Variants in NWD2 observed in about 807,000 individuals in gnomAD.
NWD2 encodes the protein NACHT and WD repeat domain-containing protein 2.
In NWD2, 37 loss-of-function variants were observed where a neutral mutation model predicts 132.7. The observed-to-expected ratio is 0.28, with a 90% CI of 0.21 to 0.37. The LOEUF is 0.37. NWD2 is among the 10% of genes least tolerant of loss of function. The pLI is 1.00. For missense variants in NWD2, 1,592 were observed against 2,122.4 expected (o/e 0.75, Z 4.91); for synonymous variants, 705 against 803.0 (o/e 0.88, Z 2.06).
In NWD2 at chr4:37,449,145, T is replaced by C. The variant is rs556175685; in HGVS notation, c.*1928T>C. On this transcript the variant is annotated 3_prime_UTR_variant, in exon 7 of 7. Transcript: ENST00000309447. ...CCTGTCATTATCAGTTGAACCTCCATGCCACACATTTCTAAGAATTAAATG... is the reference window on the plus strand; with the variant it reads ...CCTGTCATTATCAGTTGAACCTCCACGCCACACATTTCTAAGAATTAAATG... The C allele has an allele frequency of 3.9e-5, 6 of 152,336 alleles. No homozygotes were observed. The South Asian group carries it at 1.2e-3, about 32-fold the overall frequency. 9.4% of individuals were successfully genotyped at this position (152,336 alleles called of 1,614,324 possible).
chr4:37,447,549 G>T lies in NWD2; in HGVS notation c.*332G>T. On this transcript the variant is annotated 3_prime_UTR_variant, in exon 7 of 7. Coordinates refer to ENST00000309447, the MANE Select transcript of NWD2 (RefSeq NM_001144990.2). ...ATGAGAGAGGCTAGAGTTATATACA[G>T]ATCATTTGGATGGGAATTAGTTCTA... 4 of 237,658 alleles carry T rather than the reference G, an allele frequency of 1.7e-5. No individual in the cohort carries two copies. Among genetic ancestry groups the T allele is most frequent in the South Asian group, 9.4e-5 (1 of 10,678 alleles). The allele number at this position is 237,658 out of a possible 1,614,324, so 14.7% of individuals were successfully genotyped here. A position where few individuals can be genotyped will look rare whatever the true frequency, so the allele number is the denominator to read the frequency against.
At position 37,444,210 on chromosome 4, in the gene NWD2, C is replaced by G. The variant is rs1712567256; in HGVS notation, c.2222C>G (p.Ala741Gly). The change falls in exon 7 of 7, where the codon GCC becomes GGC. Residue 741 changes from alanine (A) to glycine (G), a missense_variant. Ala to Gly is a moderately conservative substitution (Grantham distance 60, BLOSUM62 0). Transcript: ENST00000309447. The surrounding 1 kb of genome is among the most constrained non-coding windows in gnomAD (Gnocchi z 4.8). ...GCCAACAGACACCTGCAGCTCATAG[C>G]CCAGAAGCTATATCTGCAGGATGAC... is the stretch of plus-strand genomic sequence containing the variant. ...VWANRHLQLI[A>G]QKLYLQDDND... is the part of the protein sequence containing the mutation. 6.4e-7 allele frequency: 1 copy of G among 1,551,638 alleles called. No homozygotes were observed. Among genetic ancestry groups the G allele is most frequent in the African/African-American group, 1.4e-5 (1 of 73,146 alleles).
chr4:37,271,034 T>C (rs1717861937), intron 1 of NWD2, among the ~76,000 whole-genome samples: 1 of 151,884 alleles, frequency 6.6e-6, no homozygotes, highest in South Asian at 2.1e-4. Flanking sequence ...GACAGCTTTG[T>C]TGAAAATCAG....
In NWD2 at chr4:37,444,216, A is replaced by G; in HGVS notation, c.2228A>G (p.Lys743Arg). Reference sequence around the variant, plus strand: ...AGACACCTGCAGCTCATAGCCCAGAAGCTATATCTGCAGGATGACAATGAC... The same window carrying G: ...AGACACCTGCAGCTCATAGCCCAGAGGCTATATCTGCAGGATGACAATGAC... ...ANRHLQLIAQKLYLQDDNDLR... is the reference protein window; with the variant it reads ...ANRHLQLIAQRLYLQDDNDLR... Residue 743 changes from lysine to arginine, a missense_variant, in exon 7 of 7, where the codon AAG (lysine) becomes AGG (arginine). By Grantham distance (26) the Lys-to-Arg change is conservative. Transcript: ENST00000309447. This position sits in a 1 kb window ranked among gnomAD's most constrained non-coding sequence, Gnocchi z 4.8. 1.3e-6 allele frequency: 2 copies of G among 1,551,692 alleles called. No individual in the cohort carries two copies. The highest frequency in any genetic ancestry group is 1.7e-6 in the Non-Finnish European group (2 of 1,146,966).
intron 2 of NWD2, 36 bp from the exon 3 acceptor site, chr4:37,356,330 C>T: frequency 8.8e-7 from 1 of 1,130,386 alleles, no homozygotes; most frequent in Non-Finnish European, 1.3e-6. Flanking sequence ...ACAAAGCCCA[C>T]ATGTAAACTA....
At chr4:37,431,913 A>G (rs889339184) in intron 4 of NWD2, among the ~76,000 whole-genome samples, 4 of 152,096 alleles carry the variant, frequency 2.6e-5, no homozygotes, top group African/African-American at 9.7e-5. Flanking sequence ...ACTTATTAAT[A>G]TTGGTATTAT....
intron 2 of NWD2, among the ~76,000 whole-genome samples, chr4:37,355,883 G>A (rs961562386): frequency 6.6e-6 from 1 of 152,082 alleles, no homozygotes; most frequent in South Asian, 2.1e-4. Context: ...TCATATGATA[G>A]AGTGTGATAA....
intron 2 of NWD2, among the ~76,000 whole-genome samples, chr4:37,341,392 A>C (rs1719520055): frequency 6.6e-6 from 1 of 152,252 alleles, no homozygotes; most frequent in African/African-American, 2.4e-5. Context: ...AGAAGAATCT[A>C]TATCTATATT....
chr4:37,255,960 G>A (rs1717510815), intron 1 of NWD2, among the ~76,000 whole-genome samples: 1 of 152,204 alleles, frequency 6.6e-6, no homozygotes, highest in South Asian at 2.1e-4. Context: ...TAGAACAAGG[G>A]ATTTTGAAAA....
At position 37,445,947 on chromosome 4, in the gene NWD2, A is replaced by G; in HGVS notation, c.3959A>G (p.Gln1320Arg). 1 of 1,551,714 alleles carries G rather than the reference A, an allele frequency of 6.4e-7. No individual in the cohort carries two copies. The change falls in exon 7 of 7, where the codon CAA becomes CGA. Residue 1320 changes from glutamine to arginine, a missense_variant. Around this residue, in one of 7 missense-constraint regions of NWD2, gnomAD observed 1,071 missense variants for 1,398.0 expected, o/e 0.77. Coordinates refer to ENST00000309447, the MANE Select transcript of NWD2 (RefSeq NM_001144990.2). This position sits in a 1 kb window ranked among gnomAD's most constrained non-coding sequence, Gnocchi z 4.7. Reference sequence around the variant, plus strand: ...ATAGATAAGACTGGAAAACCCATCCAAAGTCTGTTGTTGCCTGCTAGAGGG... The same window carrying G: ...ATAGATAAGACTGGAAAACCCATCCGAAGTCTGTTGTTGCCTGCTAGAGGG... ...SNIDKTGKPI[Q>R]SLLLPARGEI...
At chr4:37,341,814 A>G (rs535380050) in intron 2 of NWD2, among the ~76,000 whole-genome samples, 7 of 152,334 alleles carry the variant, frequency 4.6e-5, no homozygotes, top group South Asian at 4.1e-4. Context: ...AAGTGGCTCT[A>G]TGTAGCTTCT....
intron 1 of NWD2, among the ~76,000 whole-genome samples, chr4:37,313,738 A>T (rs1414042946): frequency 6.6e-6 from 1 of 150,916 alleles, no homozygotes; most frequent in Non-Finnish European, 1.5e-5. Context: ...TTACTCTGTC[A>T]CCCAGGCTAG....
intron 2 of NWD2, among the ~76,000 whole-genome samples, chr4:37,342,868 C>T (rs1719555732): frequency 6.6e-6 from 1 of 152,156 alleles, no homozygotes; most frequent in South Asian, 2.1e-4. Flanking sequence ...TTCTAGTGAT[C>T]GTGTATGACA....
At chr4:37,412,726 A>G (rs1721186562) in intron 3 of NWD2, among the ~76,000 whole-genome samples, 1 of 152,230 alleles carries the variant, frequency 6.6e-6, no homozygotes, top group Admixed American at 6.5e-5. Flanking sequence ...CCTGACTTCA[A>G]AATATACTAC....
chr4:37,415,699 G>A (rs184654565), intron 3 of NWD2, among the ~76,000 whole-genome samples: 20 of 80,218 alleles, frequency 2.5e-4, no homozygotes, highest in Admixed American at 3.9e-4. Context: ...GCAAGACTCC[G>A]TCTAAAAAAA....
intron 2 of NWD2, among the ~76,000 whole-genome samples, chr4:37,329,882 C>T (rs988479871): frequency 1.3e-5 from 2 of 151,960 alleles, no homozygotes; most frequent in Non-Finnish European, 2.9e-5. Context: ...GATAATGAAA[C>T]GTCATCTGGT....
At chr4:37,414,116 A>G (rs1721214841) in intron 3 of NWD2, among the ~76,000 whole-genome samples, 1 of 152,180 alleles carries the variant, frequency 6.6e-6, no homozygotes, top group South Asian at 2.1e-4. Context: ...AACATAAAGT[A>G]TAATAAAAAA....
rs1719745558 is a variant in NWD2 at position 37,350,914 on chromosome 4, A to T, written c.241-5452A>T. On this transcript the variant is annotated intron_variant, in intron 2 of 6. Coordinates refer to ENST00000309447, the MANE Select transcript of NWD2 (RefSeq NM_001144990.2). ...ATAAAGGGGTGTTGAATTTTATTGA[A>T]GGCCTTTTCTGCATGTATTGAGATA... Among the ~76,000 whole-genome samples the T allele has an allele frequency of 2.6e-5, 4 of 152,154 alleles. No homozygotes were observed. The South Asian group carries it at 8.3e-4, about 32-fold the overall frequency.
At position 37,289,210 on chromosome 4, in the gene NWD2, T is replaced by A. The variant is rs1225682294; in HGVS notation, c.152-36726T>A. Among the ~76,000 whole-genome samples the A allele has an allele frequency of 3.3e-5, 5 of 152,292 alleles. No homozygotes were observed. The East Asian group carries it at 9.6e-4, about 29-fold the overall frequency. Reference sequence around the variant, plus strand: ...TTAATAAATACCACCAACATGGTTGTAGTATTCAAATTTTACTACCCCAAA... The same window carrying A: ...TTAATAAATACCACCAACATGGTTGAAGTATTCAAATTTTACTACCCCAAA... On this transcript the variant is annotated intron_variant, in intron 1 of 6. Coordinates refer to ENST00000309447, the MANE Select transcript of NWD2 (RefSeq NM_001144990.2).
Sources: gnomAD v4.1 joint callset for allele counts (sites outside exome capture counted in the v4.1 genomes callset) on GRCh38, gnomAD v4.1.1 for gene constraint, gnomAD v4.1.1 regional missense constraint, Gnocchi (gnomAD v3.1) non-coding constraint, MANE v1.5 for transcripts, NCBI Gene and HGNC (gene_info 2026-07-23, HGNC 2026-07-21) for gene names.